SGCZ: variants seen among roughly 807,000 people sequenced by gnomAD.
SGCZ encodes sarcoglycan zeta.
A neutral mutation model predicts 41.3 loss-of-function variants in SGCZ; 40 were observed. The observed-to-expected ratio is 0.97, with a 90% CI of 0.75 to 1.26. The LOEUF is 1.26. Ranked by LOEUF, SGCZ falls within the 50% of genes most tolerant of loss-of-function variation. The pLI is 0.00. For synonymous variants in SGCZ, 206 were observed against 137.5 expected (o/e 1.50, Z -3.49); for missense variants, 552 against 369.8 (o/e 1.49, Z -4.04).
At chr8:14,289,257 A>AT (rs972165175) in intron 3 of SGCZ, among the ~76,000 whole-genome samples, 10 of 151,020 alleles carry the variant, frequency 6.6e-5, no homozygotes, top group South Asian at 4.2e-4. Context: ...TTTAATGAGT[A>AT]TTTTTTTAAT....
chr8:14,401,667 T>G (rs187758044), intron 2 of SGCZ, among the ~76,000 whole-genome samples: 1 of 151,964 alleles, frequency 6.6e-6, no homozygotes, highest in Admixed American at 6.5e-5. Flanking sequence ...TGTGCCACAT[T>G]TTCTTGATCC....
At chr8:14,501,664 C>A (rs965794125) in intron 2 of SGCZ, among the ~76,000 whole-genome samples, 1 of 150,160 alleles carries the variant, frequency 6.7e-6, no homozygotes, top group East Asian at 2.0e-4. Flanking sequence ...GTATTAGACA[C>A]TTCTTGAAGA....
intron 1 of SGCZ, among the ~76,000 whole-genome samples, chr8:15,174,309 AT>A (rs1799936160): frequency 6.6e-6 from 1 of 152,192 alleles, no homozygotes; most frequent in African/African-American, 2.4e-5. Flanking sequence ...TGTACCAATT[AT>A]TCTGTCAATT....
chr8:14,268,984 C>G (rs972757517), intron 3 of SGCZ, among the ~76,000 whole-genome samples: 26 of 151,356 alleles, frequency 1.7e-4, no homozygotes, highest in African/African-American at 6.3e-4. Flanking sequence ...AATTTATTAC[C>G]TGTAAATAGA....
chr8:14,782,055 C>G (rs556306657), intron 1 of SGCZ, among the ~76,000 whole-genome samples: 6 of 152,114 alleles, frequency 3.9e-5, no homozygotes, highest in Non-Finnish European at 7.4e-5. Context: ...GGGTGACAAA[C>G]TTGTACAATG....
intron 1 of SGCZ, among the ~76,000 whole-genome samples, chr8:14,869,949 A>C (rs1804083942): frequency 6.6e-6 from 1 of 152,236 alleles, no homozygotes; most frequent in South Asian, 2.1e-4. Context: ...CAAATGGAAA[A>C]ATATTCCATG....
chr8:14,723,858 C>G lies in SGCZ; in HGVS notation c.40-168932G>C, dbSNP rs139367590. Among the ~76,000 whole-genome samples, 151 of 152,076 alleles carry G rather than the reference C, an allele frequency of 9.9e-4. 1 individual carries two copies. In the East Asian group the frequency reaches 0.024, roughly 25 times the overall value. On this transcript the variant is annotated intron_variant, in intron 1 of 7. Coordinates refer to ENST00000382080, the MANE Select transcript of SGCZ (RefSeq NM_139167.4). The stretch of plus-strand genomic sequence containing the variant: ...AACATTGTTCAGGTAAAAGGCTCTC[C>G]AAACATTCTATAAATAGAGTGGTAG...
intron 2 of SGCZ, among the ~76,000 whole-genome samples, chr8:14,470,093 A>C (rs920248759): frequency 6.6e-6 from 1 of 152,028 alleles, no homozygotes; most frequent in African/African-American, 2.4e-5. Flanking sequence ...AAGACTGAGC[A>C]CTCAATCTGT....
chr8:15,000,726 C>G (rs986290255), intron 1 of SGCZ, among the ~76,000 whole-genome samples: 3 of 152,140 alleles, frequency 2.0e-5, no homozygotes, highest in Non-Finnish European at 4.4e-5. Flanking sequence ...AACAATATAC[C>G]CGATGGAAAC....
chr8:14,568,807 T>C (rs1474264878), intron 1 of SGCZ, among the ~76,000 whole-genome samples: 3 of 152,204 alleles, frequency 2.0e-5, no homozygotes, highest in South Asian at 2.1e-4. Context: ...ACTCCATCAT[T>C]ACATCCATGG....
intron 6 of SGCZ, among the ~76,000 whole-genome samples, chr8:14,107,102 G>A (rs922853415): frequency 6.6e-6 from 1 of 152,006 alleles, no homozygotes; most frequent in African/African-American, 2.4e-5. Flanking sequence ...TGTAGTCCTA[G>A]CTACTCGAGA....
Position 14,970,830 on chromosome 8 carries a change from A to G in SGCZ, c.39+266755T>C, listed in dbSNP as rs1801268388. Reference sequence around the variant, plus strand: ...TTGTGTTTGTCAATTCTCACACAAAAAAAAGTCAGTTAATATATTGATTGG... The same window carrying G: ...TTGTGTTTGTCAATTCTCACACAAAGAAAAGTCAGTTAATATATTGATTGG... On this transcript the variant is annotated intron_variant, in intron 1 of 7. Transcript: ENST00000382080. Among the ~76,000 whole-genome samples the G allele has an allele frequency of 2.0e-5, 3 of 152,284 alleles. No homozygotes were observed. In the South Asian group the frequency reaches 6.2e-4, roughly 32 times the overall value.
chr8:15,125,647 G>C (rs182947750), intron 1 of SGCZ, among the ~76,000 whole-genome samples: 2 of 152,104 alleles, frequency 1.3e-5, no homozygotes, highest in Non-Finnish European at 2.9e-5. Context: ...TCAATGATTA[G>C]ATAGAATAGT....
At chr8:14,505,300 G>A (rs916653298) in intron 2 of SGCZ, among the ~76,000 whole-genome samples, 3 of 152,026 alleles carry the variant, frequency 2.0e-5, no homozygotes, top group Non-Finnish European at 2.9e-5. Flanking sequence ...TGTTCCTCCT[G>A]GTATGATGCA....
At chr8:14,337,453 G>A (rs1188861066) in intron 2 of SGCZ, among the ~76,000 whole-genome samples, 1 of 152,096 alleles carries the variant, frequency 6.6e-6, no homozygotes, top group African/African-American at 2.4e-5. Flanking sequence ...TAGATTTTGA[G>A]TACTCTCCTG....
chr8:14,768,970 A>C (rs942237975), intron 1 of SGCZ, among the ~76,000 whole-genome samples: 2 of 152,100 alleles, frequency 1.3e-5, no homozygotes, highest in African/African-American at 4.8e-5. Flanking sequence ...TATTGTATTC[A>C]TATATCCATA....
chr8:14,215,541 A>G (rs543712438), intron 4 of SGCZ, among the ~76,000 whole-genome samples: 1 of 152,170 alleles, frequency 6.6e-6, no homozygotes, highest in South Asian at 2.1e-4. Flanking sequence ...GAAAAAATAG[A>G]GAAAAATCAA....
intron 1 of SGCZ, among the ~76,000 whole-genome samples, chr8:15,024,935 C>CAAATAAAT (rs71209100): frequency 0.085 from 12,096 of 142,576 alleles, 567 homozygotes; most frequent in East Asian, 0.14. Flanking sequence ...GACTCCGTCT[C>CAAATAAAT]AAATAAATAA....
At chr8:14,601,273 T>C (rs1805581451) in intron 1 of SGCZ, among the ~76,000 whole-genome samples, 1 of 152,116 alleles carries the variant, frequency 6.6e-6, no homozygotes, top group Non-Finnish European at 1.5e-5. Context: ...TGTTTTTATT[T>C]CTTTCCTAGT....
Sources: allele counts gnomAD v4.1 joint callset (sites outside exome capture counted in the v4.1 genomes callset), GRCh38; gene constraint gnomAD v4.1.1; transcripts MANE v1.5; gene names NCBI Gene and HGNC (gene_info 2026-07-23, HGNC 2026-07-21).